Variants in DNAH11 observed in about 807,000 individuals in gnomAD.
DNAH11 encodes the protein dynein axonemal heavy chain 11.
In DNAH11, 442 loss-of-function variants were observed where a neutral mutation model predicts 526.0. The ratio of observed to expected loss-of-function variants is 0.84; its 90% CI spans 0.78 to 0.91. DNAH11 has a LOEUF of 0.91. Among genes scored for constraint, DNAH11 ranks in the 40% least tolerant of loss-of-function variants. The probability of loss-of-function intolerance (pLI) is 0.00; values close to 1 mark genes in which losing one functional copy is unlikely to be tolerated. For synonymous variants in DNAH11, 2,461 were observed against 1,935.9 expected, an observed-to-expected ratio of 1.27 and a Z score of -7.12; for missense variants, 6,989 against 5,448.7, an observed-to-expected ratio of 1.28 and a Z score of -8.90.
intron 34 of DNAH11, among the ~76,000 whole-genome samples, chr7:21,690,311 G>A (rs1406885178): frequency 2.6e-5 from 4 of 152,172 alleles, no homozygotes; most frequent in Non-Finnish European, 4.4e-5. Flanking sequence ...TCAATGAAAG[G>A]TATGGAGGGA....
chr7:21,561,263 A>G lies in DNAH11; in HGVS notation c.982+93A>G, dbSNP rs186793326. On this transcript the variant is annotated intron_variant, in intron 5 of 81. Coordinates refer to ENST00000409508, the MANE Select transcript of DNAH11 (RefSeq NM_001277115.2). ...CGGCCTTGATATTTACCCTTCCGCC[A>G]TGTTTGTGGAGTGATTGCTCATGGC... 184 of 896,906 alleles carry G rather than the reference A, an allele frequency of 2.1e-4. 1 individual carries two copies. The African/African-American group carries it at 2.7e-3, about 13-fold the overall frequency. The allele number at this position is 896,906 out of a possible 1,614,324, so 55.6% of individuals were successfully genotyped here.
chr7:21,899,530 C>T (rs533772669), intron 80 of DNAH11, 82 bp downstream of exon 80: 23 of 1,090,484 alleles, frequency 2.1e-5, no homozygotes, highest in Admixed American at 1.0e-4. Flanking sequence ...CCTATGATGG[C>T]GTCTCCTTGC....
At position 21,808,115 on chromosome 7, in the gene DNAH11, C is replaced by T. The variant is rs72657395; in HGVS notation, c.10332+66C>T. The T allele has an allele frequency of 1.8e-3, 2,279 of 1,268,074 alleles. 33 individuals are homozygous for T. In the African/African-American group the frequency reaches 0.031, roughly 17 times the overall value. The allele number at this position is 1,268,074 out of a possible 1,614,324, so 78.6% of individuals were successfully genotyped here. A position where few individuals can be genotyped will look rare whatever the true frequency, so the allele number is the denominator to read the frequency against. On this transcript the variant is annotated intron_variant, in intron 63 of 81. Transcript: ENST00000409508. ...ACATTGAAATTTCAGTAGTAAAACC[C>T]ACATATATGCCAGGCGCTTTTGGAC... is the stretch of plus-strand genomic sequence containing the variant.
chr7:21,614,382 A>T (rs1277175084), intron 20 of DNAH11, among the ~76,000 whole-genome samples: 1 of 152,202 alleles, frequency 6.6e-6, no homozygotes, highest in Non-Finnish European at 1.5e-5. Flanking sequence ...CATCCAAAAG[A>T]ATGACTGAAC....
chr7:21,691,451 C>A (rs888861361), intron 35 of DNAH11, among the ~76,000 whole-genome samples: 14 of 151,988 alleles, frequency 9.2e-5, no homozygotes, highest in African/African-American at 3.4e-4. Flanking sequence ...GACACACATT[C>A]GTTCAAATCT....
rs75025238 is a variant in DNAH11 at position 21,870,723 on chromosome 7, A to C, written c.11967+1732A>C. Among the ~76,000 whole-genome samples the C allele has an allele frequency of 9.6e-4, 147 of 152,358 alleles. 1 individual carries two copies. Among genetic ancestry groups the C allele is most frequent in the African/African-American group, 3.5e-3 (146 of 41,578 alleles). On this transcript the variant is annotated intron_variant, in intron 73 of 81. Coordinates refer to ENST00000409508, the MANE Select transcript of DNAH11 (RefSeq NM_001277115.2). ...CTAAAATTGCAAGTTGTAAATTTTA[A>C]CATAAAAAAAACTTAAAAGATCTTA...
intron 44 of DNAH11, among the ~76,000 whole-genome samples, chr7:21,721,439 G>A (rs1562508826): frequency 6.6e-6 from 1 of 152,048 alleles, no homozygotes; most frequent in Admixed American, 6.5e-5. Flanking sequence ...AGCTCAGATC[G>A]CCATAACAAA....
chr7:21,834,329 C>T (rs1443239130), intron 65 of DNAH11, among the ~76,000 whole-genome samples: 1 of 152,062 alleles, frequency 6.6e-6, no homozygotes, highest in Non-Finnish European at 1.5e-5. Context: ...CATACCAAAA[C>T]CTATGGAACA....
At chr7:21,779,216 A>G in intron 57 of DNAH11, 112 bp downstream of exon 57, 2 of 1,310,964 alleles carry the variant, frequency 1.5e-6, no homozygotes, top group Non-Finnish European at 2.0e-6. Flanking sequence ...AGTCTAAAGA[A>G]TTATTATAGT....
chr7:21,587,751 T>C (rs147315812), intron 9 of DNAH11, among the ~76,000 whole-genome samples: 18 of 152,298 alleles, frequency 1.2e-4, no homozygotes, highest in African/African-American at 2.2e-4. Context: ...TCTATTCTTA[T>C]ATCTGCAAAG....
intron 25 of DNAH11, 87 bp from the exon 26 acceptor site, chr7:21,635,784 T>C (rs1471258662): frequency 1.2e-5 from 13 of 1,104,558 alleles, no homozygotes; most frequent in Non-Finnish European, 1.6e-5. Context: ...AATCCAGCAA[T>C]AAACAGAGTA....
At chr7:21,692,962 A>G (rs1783692350) in intron 35 of DNAH11, among the ~76,000 whole-genome samples, 2 of 152,166 alleles carry the variant, frequency 1.3e-5, no homozygotes, top group East Asian at 1.9e-4. Context: ...GTCTATTGCT[A>G]TACCATCTTT....
intron 65 of DNAH11, among the ~76,000 whole-genome samples, chr7:21,831,598 C>T (rs1358445243): frequency 6.6e-6 from 1 of 152,038 alleles, no homozygotes; most frequent in African/African-American, 2.4e-5. Flanking sequence ...GCAGCATCCT[C>T]CCCCCCTCTA....
At position 21,720,848 on chromosome 7, in the gene DNAH11, C is replaced by A. The variant is rs1207409225; in HGVS notation, c.7258C>A (p.Gln2420Lys). Residue 2420 changes from glutamine (Q) to lysine (K), a missense_variant, in exon 44 of 82, where the codon CAA becomes AAA. Transcript: ENST00000409508. ...CIWAFGGTLL[Q>K]DQISDYQADF... ...CTGGGCTTTTGGAGGCACCCTGCTA[C>A]AAGATCAGGTATGTTTAGAAATAGT... 2.2e-5 allele frequency: 35 copies of A among 1,612,596 alleles called. No individual in the cohort carries two copies. The highest frequency in any genetic ancestry group is 3.0e-5 in the Non-Finnish European group (35 of 1,179,230).
intron 56 of DNAH11, among the ~76,000 whole-genome samples, chr7:21,777,369 A>G (rs1204202043): frequency 6.6e-6 from 1 of 152,122 alleles, no homozygotes; most frequent in African/African-American, 2.4e-5. Context: ...GCAATTATAA[A>G]TAAAGCTGTT....
intron 13 of DNAH11, 48 bp from the exon 14 acceptor site, chr7:21,591,137 A>T (rs758556480): frequency 2.0e-5 from 31 of 1,524,494 alleles, no homozygotes; most frequent in Non-Finnish European, 2.6e-5. Context: ...GACAGAGAAA[A>T]TAGCTAACAT....
At chr7:21,824,096 C>A (rs547651582) in intron 65 of DNAH11, among the ~76,000 whole-genome samples, 1 of 152,130 alleles carries the variant, frequency 6.6e-6, no homozygotes, top group African/African-American at 2.4e-5. Flanking sequence ...AGAAAACTTT[C>A]CTTTTCTAGC....
intron 28 of DNAH11, among the ~76,000 whole-genome samples, chr7:21,654,332 G>C (rs949551505): frequency 2.6e-5 from 4 of 152,248 alleles, no homozygotes; most frequent in Middle Eastern, 3.4e-3. Flanking sequence ...GATAATACAA[G>C]ATACGACGTG....
rs749830026 is a variant in DNAH11, at chr7:21,748,648, G to A, written c.8579G>A (p.Gly2860Asp). 6.2e-7 allele frequency: 1 copy of A among 1,613,432 alleles called. No individual in the cohort carries two copies. The highest frequency in any genetic ancestry group is 1.1e-5 in the South Asian group (1 of 90,964). ...CTCTTGGTTGGAGTTGGGGGCAGTG[G>A]CAAGCAGAGCTTGTCCAGGCTGGCA... is the stretch of plus-strand genomic sequence containing the variant. The part of the protein sequence containing the change: ...CALLVGVGGS[G>D]KQSLSRLAAY... The change falls in exon 52 of 82, where the codon GGC becomes GAC. Residue 2860 changes from glycine to aspartate, a missense_variant. Physicochemically the swap from Gly to Asp is moderately conservative, Grantham distance 94. Coordinates refer to ENST00000409508, the MANE Select transcript of DNAH11 (RefSeq NM_001277115.2).
Sources: gnomAD v4.1 joint callset for allele counts (sites outside exome capture counted in the v4.1 genomes callset) on GRCh38, gnomAD v4.1.1 for gene constraint, MANE v1.5 for transcripts, NCBI Gene and HGNC (gene_info 2026-07-23, HGNC 2026-07-21) for gene names.